The following NR6A1 variants were observed in gnomAD, a reference collection of about 807,000 sequenced individuals.
The protein encoded by NR6A1 is retinoic acid receptor-related testis-associated receptor.
A neutral mutation model predicts 59.1 loss-of-function variants in NR6A1; 7 were observed. That is an observed-to-expected ratio of 0.12 (90% CI 0.07 to 0.22). The LOEUF is 0.22. Among genes scored for constraint, NR6A1 ranks in the 10% least tolerant of loss-of-function variants. The pLI, the probability that NR6A1 is intolerant of heterozygous loss-of-function variation, is 1.00. For missense variants in NR6A1, 468 were observed against 611.6 expected (o/e 0.77, Z 2.48); for synonymous variants, 243 against 236.1 (o/e 1.03, Z -0.27).
chr9:124,697,865 G>A (rs536518494), intron 2 of NR6A1, among the ~76,000 whole-genome samples: 1 of 152,302 alleles, frequency 6.6e-6, no homozygotes, highest in Middle Eastern at 3.4e-3. Context: ...TGTGTCATCT[G>A]TAAATAGGAG....
In NR6A1 at chr9:124,540,098, G is replaced by T; in HGVS notation, c.531C>A (p.His177Gln). The part of the protein sequence containing the change: ...NHWSNHGDSD[H>Q]SSPGNRASES... ...CCGAAGCCCTGTTCCCAGGGGAACTGTGGTCACTATCACCATGGTTGCTCC... is the reference window on the plus strand; with the variant it reads ...CCGAAGCCCTGTTCCCAGGGGAACTTTGGTCACTATCACCATGGTTGCTCC... Residue 177 changes from histidine to glutamine, a missense_variant, in exon 5 of 10, where the codon CAC (histidine) becomes CAA (glutamine). Transcript: ENST00000487099. 1 of 1,613,174 alleles carries T rather than the reference G, an allele frequency of 6.2e-7. No individual in the cohort carries two copies. The highest frequency in any genetic ancestry group is 2.2e-5 in the East Asian group (1 of 44,724).
chr9:124,736,504 T>C (rs995960904), intron 1 of NR6A1, among the ~76,000 whole-genome samples: 1 of 152,168 alleles, frequency 6.6e-6, no homozygotes, highest in African/African-American at 2.4e-5. Context: ...CTAACTTTGT[T>C]GTAAATTGGG....
chr9:124,576,884 C>T (rs4836980), intron 2 of NR6A1, among the ~76,000 whole-genome samples: 75,923 of 151,638 alleles, frequency 0.5, 19,143 homozygotes, highest in Admixed American at 0.6. Context: ...TAGGGAGACG[C>T]CATCTCTATA....
At position 124,682,526 on chromosome 9, in the gene NR6A1, A is replaced by T. The variant is rs553620745; in HGVS notation, c.142+50782T>A. ...TCAGACATTAAAGAGATCTGCAAAA[A>T]TGTAAAACAATGTCATTCTTCTCAC... On this transcript the variant is annotated intron_variant, in intron 2 of 9. Coordinates refer to ENST00000487099, the MANE Select transcript of NR6A1 (RefSeq NM_033334.4). 2.3e-3 allele frequency among the ~76,000 whole-genome samples: 347 copies of T among 152,350 alleles called. 1 individual carries two copies. In the Middle Eastern group the frequency reaches 0.054, roughly 24 times the overall value.
intron 2 of NR6A1, among the ~76,000 whole-genome samples, chr9:124,724,963 GT>G (rs1839667461): frequency 1.3e-5 from 2 of 152,174 alleles, no homozygotes; most frequent in African/African-American, 2.4e-5. Flanking sequence ...TACTGTTCCT[GT>G]TTTATAGCCT....
At chr9:124,550,840 T>C (rs1833759548) in intron 3 of NR6A1, among the ~76,000 whole-genome samples, 1 of 152,142 alleles carries the variant, frequency 6.6e-6, no homozygotes, top group Admixed American at 6.5e-5. Context: ...CTGGCCTCCT[T>C]CTACATTTGT....
chr9:124,744,566 T>A (rs1840269788), intron 1 of NR6A1, among the ~76,000 whole-genome samples: 1 of 152,196 alleles, frequency 6.6e-6, no homozygotes, highest in African/African-American at 2.4e-5. Context: ...GAACTTAGCA[T>A]AATCTCAAAG....
intron 2 of NR6A1, among the ~76,000 whole-genome samples, chr9:124,643,765 A>T (rs1836842021): frequency 6.7e-6 from 1 of 149,912 alleles, no homozygotes; most frequent in Admixed American, 6.6e-5. Flanking sequence ...AAAAACAAAA[A>T]AAAAAAAAAA....
At chr9:124,764,541 G>A (rs776302082) in intron 1 of NR6A1, among the ~76,000 whole-genome samples, 1 of 152,152 alleles carries the variant, frequency 6.6e-6, no homozygotes, top group Non-Finnish European at 1.5e-5. Context: ...AAGCTGGGAA[G>A]ATTATCCATC....
chr9:124,730,400 A>T (rs559703332), intron 2 of NR6A1, among the ~76,000 whole-genome samples: 2 of 151,660 alleles, frequency 1.3e-5, no homozygotes, highest in Non-Finnish European at 2.9e-5. Flanking sequence ...GATAATTTTT[A>T]AATTTTCTTT....
intron 1 of NR6A1, chr9:124,770,032 G>A (rs1189403444): frequency 1.3e-5 from 2 of 152,382 alleles, no homozygotes; most frequent in Admixed American, 1.3e-4. Flanking sequence ...GGAACCTGAG[G>A]ACCCGGCCCG....
At chr9:124,753,607 C>G (rs553937532) in intron 1 of NR6A1, among the ~76,000 whole-genome samples, 1 of 152,234 alleles carries the variant, frequency 6.6e-6, no homozygotes, top group Admixed American at 6.5e-5. Context: ...ACCACCTATC[C>G]AAAGAAAAGT....
chr9:124,628,676 C>A (rs760864700), intron 2 of NR6A1, among the ~76,000 whole-genome samples: 1 of 151,370 alleles, frequency 6.6e-6, no homozygotes, highest in African/African-American at 2.4e-5. Flanking sequence ...AGTCTTGCTC[C>A]GTTGCCCAGG....
chr9:124,670,619 A>T (rs182287008), intron 2 of NR6A1, among the ~76,000 whole-genome samples: 1 of 152,264 alleles, frequency 6.6e-6, no homozygotes, highest in Non-Finnish European at 1.5e-5. Context: ...GTCAACAAAT[A>T]GTGACCGGGG....
intron 2 of NR6A1, among the ~76,000 whole-genome samples, chr9:124,706,745 C>T (rs1012113586): frequency 6.6e-6 from 1 of 151,704 alleles, no homozygotes; most frequent in African/African-American, 2.4e-5. Context: ...CTCAATCTCC[C>T]GACCTCGTGA....
At chr9:124,551,112 C>T (rs1833765511) in intron 3 of NR6A1, among the ~76,000 whole-genome samples, 1 of 152,048 alleles carries the variant, frequency 6.6e-6, no homozygotes, top group South Asian at 2.1e-4. Flanking sequence ...TTTTATATTT[C>T]CCCTACCCCA....
intron 2 of NR6A1, among the ~76,000 whole-genome samples, chr9:124,642,919 C>G (rs1204113111): frequency 6.6e-6 from 1 of 152,056 alleles, no homozygotes; most frequent in Non-Finnish European, 1.5e-5. Flanking sequence ...ACCAGAGGGT[C>G]AGGTGGATGG....
intron 2 of NR6A1, among the ~76,000 whole-genome samples, chr9:124,626,696 G>A (rs960520271): frequency 6.6e-6 from 1 of 152,190 alleles, no homozygotes. Flanking sequence ...AGCACTTTGG[G>A]AGGCCGAGGT....
chr9:124,529,723 G>T (rs527722721), intron 7 of NR6A1, among the ~76,000 whole-genome samples: 5 of 152,186 alleles, frequency 3.3e-5, no homozygotes, highest in Non-Finnish European at 5.9e-5. Context: ...ACCTTGGGAG[G>T]ATGTCAGGTC....
Sources: allele counts gnomAD v4.1 joint callset (sites outside exome capture counted in the v4.1 genomes callset), GRCh38; gene constraint gnomAD v4.1.1; transcripts MANE v1.5; gene names NCBI Gene and HGNC (gene_info 2026-07-23, HGNC 2026-07-21).